LRRC4C: variants seen among roughly 807,000 people sequenced by gnomAD.
LRRC4C encodes leucine-rich repeat-containing protein 4C.
In LRRC4C, 5 loss-of-function variants were observed where a neutral mutation model predicts 33.6. That is an observed-to-expected ratio of 0.15 (90% CI 0.08 to 0.31). LRRC4C has a LOEUF of 0.31. Ranked by LOEUF, LRRC4C falls within the 10% of genes least tolerant of loss-of-function variation. LRRC4C has a pLI of 1.00. For missense variants in LRRC4C, 560 were observed against 796.7 expected (o/e 0.70, Z 3.58); for synonymous variants, 329 against 302.0 (o/e 1.09, Z -0.93).
At chr11:41,447,904 C>T (rs996397738) in intron 1 of LRRC4C, among the ~76,000 whole-genome samples, 15 of 152,030 alleles carry the variant, frequency 9.9e-5, no homozygotes, top group African/African-American at 3.6e-4. Flanking sequence ...TGTAGAGGTA[C>T]ATTTGTGGGT....
At position 41,451,482 on chromosome 11, in the gene LRRC4C, C is replaced by G. The variant is rs2138646250; in HGVS notation, c.-496+7949G>C. Among the ~76,000 whole-genome samples the G allele has an allele frequency of 1.3e-5, 2 of 151,672 alleles. 1 individual carries two copies. Among genetic ancestry groups the G allele is most frequent in the Middle Eastern group, 6.8e-3 (2 of 294 alleles). Reference sequence around the variant, plus strand: ...AGAACAGAATTCCATTTAGCAAAAGCTTAAAAAAAATGCAGCAGTGCTTAT... The same window carrying G: ...AGAACAGAATTCCATTTAGCAAAAGGTTAAAAAAAATGCAGCAGTGCTTAT... On this transcript the variant is annotated intron_variant, in intron 1 of 6. Coordinates refer to ENST00000528697, the MANE Select transcript of LRRC4C (RefSeq NM_001258419.2).
chr11:40,702,233 A>G (rs954811542), intron 2 of LRRC4C, among the ~76,000 whole-genome samples: 3 of 152,100 alleles, frequency 2.0e-5, no homozygotes, highest in African/African-American at 7.2e-5. Context: ...AAAATGTAGT[A>G]TAATGTAAAA....
Position 40,498,750 on chromosome 11 carries a change from C to T in LRRC4C, c.-270+149392G>A, listed in dbSNP as rs72899022. Among the ~76,000 whole-genome samples the T allele has an allele frequency of 3.5e-3, 538 of 152,066 alleles. 2 individuals carry two copies. Among genetic ancestry groups the T allele is most frequent in the Non-Finnish European group, 6.0e-3 (406 of 67,994 alleles). On this transcript the variant is annotated intron_variant, in intron 3 of 6. Coordinates refer to ENST00000528697, the MANE Select transcript of LRRC4C (RefSeq NM_001258419.2). ...TGATTATGTCTTAGATGCTTAAGTC[C>T]CTCAGGAATGTTTATAAGATGGTGT...
At chr11:40,608,748 G>A (rs2135865071) in intron 3 of LRRC4C, among the ~76,000 whole-genome samples, 1 of 152,212 alleles carries the variant, frequency 6.6e-6, no homozygotes, top group East Asian at 1.9e-4. Context: ...GATATTCCAT[G>A]CAAATGGTAA....
chr11:40,426,607 T>G (rs76951837), intron 3 of LRRC4C, among the ~76,000 whole-genome samples: 1 of 152,278 alleles, frequency 6.6e-6, no homozygotes, highest in East Asian at 1.9e-4. Context: ...TCTGAGATAC[T>G]ATATACTTTA....
At chr11:40,195,146 C>T (rs1862161758) in intron 5 of LRRC4C, among the ~76,000 whole-genome samples, 1 of 151,870 alleles carries the variant, frequency 6.6e-6, no homozygotes, top group Non-Finnish European at 1.5e-5. Flanking sequence ...CTCAGGAATC[C>T]TGTAGCCAGT....
At chr11:40,477,186 C>A (rs1359134143) in intron 3 of LRRC4C, among the ~76,000 whole-genome samples, 1 of 152,004 alleles carries the variant, frequency 6.6e-6, no homozygotes, top group African/African-American at 2.4e-5. Context: ...ATTGAAGGCC[C>A]CTTTTAGATT....
chr11:40,692,416 A>G (rs1035080744), intron 2 of LRRC4C, among the ~76,000 whole-genome samples: 1 of 152,056 alleles, frequency 6.6e-6, no homozygotes, highest in Non-Finnish European at 1.5e-5. Context: ...CTCTTGTATT[A>G]TTTTGAAAAG....
chr11:40,864,005 A>G (rs987315696), intron 2 of LRRC4C, among the ~76,000 whole-genome samples: 1 of 152,090 alleles, frequency 6.6e-6, no homozygotes, highest in Non-Finnish European at 1.5e-5. Flanking sequence ...AAATAATTAT[A>G]TTGATGGCAA....
chr11:40,462,463 G>A (rs4756593), intron 3 of LRRC4C, among the ~76,000 whole-genome samples: 1 of 151,566 alleles, frequency 6.6e-6, no homozygotes, highest in Non-Finnish European at 1.5e-5. Context: ...CATGAACCTC[G>A]AACAAAGATT....
At chr11:41,092,094 G>A (rs986138530) in intron 1 of LRRC4C, among the ~76,000 whole-genome samples, 16 of 152,020 alleles carry the variant, frequency 1.1e-4, no homozygotes, top group Non-Finnish European at 2.1e-4. Context: ...CAATAAAAAC[G>A]TATTATTTGG....
intron 3 of LRRC4C, among the ~76,000 whole-genome samples, chr11:40,439,979 CCAATTTG>C (rs1348768678): frequency 6.6e-6 from 1 of 152,134 alleles, no homozygotes; most frequent in African/African-American, 2.4e-5. Flanking sequence ...TGCAACCACC[CCAATTTG>C]TTTATGGATA....
At chr11:41,203,901 G>A (rs892584473) in intron 1 of LRRC4C, among the ~76,000 whole-genome samples, 1 of 152,130 alleles carries the variant, frequency 6.6e-6, no homozygotes, top group African/African-American at 2.4e-5. Context: ...CTGGAAAATC[G>A]CTGACAGGTG....
chr11:40,635,011 G>C (rs940316342), intron 3 of LRRC4C, among the ~76,000 whole-genome samples: 1 of 151,280 alleles, frequency 6.6e-6, no homozygotes, highest in South Asian at 2.1e-4. Flanking sequence ...AAAAAAACAG[G>C]GTCCATGGCT....
intron 2 of LRRC4C, among the ~76,000 whole-genome samples, chr11:40,913,421 A>G (rs1291030658): frequency 6.6e-6 from 1 of 152,220 alleles, no homozygotes; most frequent in Non-Finnish European, 1.5e-5. Flanking sequence ...CTACATGGAA[A>G]ATGAACAATC....
intron 2 of LRRC4C, among the ~76,000 whole-genome samples, chr11:40,708,879 A>G (rs902574220): frequency 6.6e-6 from 1 of 152,094 alleles, no homozygotes; most frequent in Non-Finnish European, 1.5e-5. Context: ...TTGCTTTATG[A>G]ATCTGGGTGC....
chr11:41,085,631 G>T (rs910122308), intron 1 of LRRC4C, among the ~76,000 whole-genome samples: 7 of 152,070 alleles, frequency 4.6e-5, no homozygotes, highest in African/African-American at 1.7e-4. Context: ...TTCTTGTTAT[G>T]CTTCAGGAAC....
At chr11:41,022,465 C>G (rs1244206710) in intron 1 of LRRC4C, among the ~76,000 whole-genome samples, 1 of 151,708 alleles carries the variant, frequency 6.6e-6, no homozygotes, top group Non-Finnish European at 1.5e-5. Flanking sequence ...GTTTCGAGGG[C>G]TACAGAAAGG....
At chr11:40,713,148 C>G (rs1564966501) in intron 2 of LRRC4C, among the ~76,000 whole-genome samples, 1 of 151,828 alleles carries the variant, frequency 6.6e-6, no homozygotes, top group Non-Finnish European at 1.5e-5. Flanking sequence ...CCCACCTTAG[C>G]CTCCCAAAGT....
Sources: gnomAD v4.1 joint callset for allele counts (sites outside exome capture counted in the v4.1 genomes callset) on GRCh38, gnomAD v4.1.1 for gene constraint, MANE v1.5 for transcripts, NCBI Gene and HGNC (gene_info 2026-07-23, HGNC 2026-07-21) for gene names.